The following ENTREP2 variants were observed in gnomAD, a reference collection of about 807,000 sequenced individuals.
ENTREP2 encodes the protein endosomal transmembrane epsin interactor 2.
At chr15:29,378,242 C>T in the ENTREP2 span, among the ~76,000 whole-genome samples, 2 of 151,302 alleles carry the variant, frequency 1.3e-5, no homozygotes, top group Non-Finnish European at 2.9e-5. Flanking sequence ...AAAACCTACT[C>T]TTGCCAGGAC....
At chr15:29,651,304 C>T in the ENTREP2 span, among the ~76,000 whole-genome samples, 1 of 152,134 alleles carries the variant, frequency 6.6e-6, no homozygotes, top group African/African-American at 2.4e-5. Context: ...CCTTCAAAAC[C>T]TCTACACTCC....
At chr15:29,406,069 T>C in the ENTREP2 span, among the ~76,000 whole-genome samples, 14 of 152,310 alleles carry the variant, frequency 9.2e-5, no homozygotes, top group East Asian at 2.3e-3. Flanking sequence ...AATTGGGTCA[T>C]CATGTTGTCA....
chr15:29,156,735 G>T, the ENTREP2 span, among the ~76,000 whole-genome samples: 1 of 152,148 alleles, frequency 6.6e-6, no homozygotes, highest in African/African-American at 2.4e-5. Flanking sequence ...CGGGATGAGG[G>T]TGCAGATATA....
the ENTREP2 span, among the ~76,000 whole-genome samples, chr15:29,146,205 T>C: frequency 6.6e-6 from 1 of 152,216 alleles, no homozygotes; most frequent in Non-Finnish European, 1.5e-5. Context: ...TTGGAGGACT[T>C]ACTATTGTTA....
chr15:29,617,013 T>C, the ENTREP2 span, among the ~76,000 whole-genome samples: 5 of 152,272 alleles, frequency 3.3e-5, no homozygotes, highest in Non-Finnish European at 7.3e-5. Context: ...TGAGCCGAGA[T>C]CATGCCACTG....
chr15:29,547,541 C>T, the ENTREP2 span, among the ~76,000 whole-genome samples: 1 of 152,126 alleles, frequency 6.6e-6, no homozygotes, highest in Non-Finnish European at 1.5e-5. Flanking sequence ...ATCACCTCAC[C>T]CTCATCAGGA....
At chr15:29,651,022 C>T in the ENTREP2 span, among the ~76,000 whole-genome samples, 3 of 152,156 alleles carry the variant, frequency 2.0e-5, no homozygotes, top group African/African-American at 7.2e-5. Context: ...GTCTCTAAAA[C>T]ATAAAAATAA....
chr15:29,375,998 T>C, the ENTREP2 span: 2 of 152,134 alleles, frequency 1.3e-5, no homozygotes, highest in African/African-American at 4.8e-5. Flanking sequence ...CAATGTAATA[T>C]AAAATGCAAA....
At chr15:29,137,052 G>A in the ENTREP2 span, 109 of 1,440,590 alleles carry the variant, frequency 7.6e-5, no homozygotes, top group Middle Eastern at 8.3e-4. Flanking sequence ...CTCAGTGGAC[G>A]GTGTGCAGGT....
chr15:29,158,549 A>G, the ENTREP2 span, among the ~76,000 whole-genome samples: 2 of 151,946 alleles, frequency 1.3e-5, no homozygotes, highest in African/African-American at 4.8e-5. Context: ...GGACTACAGG[A>G]GCACGCCATC....
the ENTREP2 span, chr15:29,117,921 A>AATCG: frequency 8.5e-6 from 1 of 117,070 alleles, no homozygotes; most frequent in African/African-American, 3.2e-5. Context: ...CCCTCTTTAA[A>AATCG]ATCGATCTAC....
chr15:29,528,887 C>A, the ENTREP2 span, among the ~76,000 whole-genome samples: 1 of 152,080 alleles, frequency 6.6e-6, no homozygotes, highest in African/African-American at 2.4e-5. Context: ...TTTGTATATA[C>A]AACCATTAAA....
chr15:29,179,509 G>T, the ENTREP2 span, among the ~76,000 whole-genome samples: 322 of 152,276 alleles, frequency 2.1e-3, 2 homozygotes, highest in Non-Finnish European at 3.2e-3. Context: ...GGATACTGAG[G>T]ATGAGCTTAG....
At chr15:29,577,199 G>A in the ENTREP2 span, among the ~76,000 whole-genome samples, 2 of 152,034 alleles carry the variant, frequency 1.3e-5, no homozygotes, top group African/African-American at 4.8e-5. Flanking sequence ...TTTCTGGTGG[G>A]AATGTAAAAT....
the ENTREP2 span, chr15:29,126,623 G>A: frequency 1.4e-6 from 1 of 730,456 alleles, no homozygotes; most frequent in Non-Finnish European, 2.3e-6. Flanking sequence ...GGATAAGATT[G>A]ACAAATGCTG....
the ENTREP2 span, among the ~76,000 whole-genome samples, chr15:29,370,299 A>G: frequency 6.6e-6 from 1 of 152,218 alleles, no homozygotes; most frequent in Non-Finnish European, 1.5e-5. Context: ...TGCAAATGCT[A>G]ACCAAAAGAA....
the ENTREP2 span, chr15:29,136,514 A>G: frequency 3.2e-6 from 5 of 1,546,426 alleles, no homozygotes; most frequent in Non-Finnish European, 4.4e-6. Context: ...GAAAAGACAG[A>G]ATCATCACAT....
the ENTREP2 span, among the ~76,000 whole-genome samples, chr15:29,259,854 C>CA: frequency 6.7e-6 from 1 of 149,826 alleles, no homozygotes; most frequent in African/African-American, 2.5e-5. Flanking sequence ...ATTAAAAAAT[C>CA]AAAACAAAAC....
chr15:29,329,430 T>C, the ENTREP2 span, among the ~76,000 whole-genome samples: 2 of 152,064 alleles, frequency 1.3e-5, no homozygotes, highest in African/African-American at 2.4e-5. Context: ...TGGACCATGA[T>C]TGACCGCACC....
Sources: gnomAD v4.1 joint callset for allele counts (sites outside exome capture counted in the v4.1 genomes callset) on GRCh38, gnomAD v4.1.1 for gene constraint, MANE v1.5 for transcripts, NCBI Gene and HGNC (gene_info 2026-07-23, HGNC 2026-07-21) for gene names.